The following NIPBL variants were observed in gnomAD, a reference collection of about 807,000 sequenced individuals.
NIPBL encodes nipped-B-like protein.
NIPBL carries 19 observed loss-of-function variants against 321.8 expected under a neutral mutation model. That is an observed-to-expected ratio of 0.06 (90% confidence interval 0.04 to 0.09). The LOEUF is 0.09. NIPBL is among the 10% of genes least tolerant of loss of function. NIPBL has a pLI of 1.00. For missense variants in NIPBL, 2,210 were observed against 3,327.0 expected, an observed-to-expected ratio of 0.66 and a Z score of 8.26; for synonymous variants, 1,106 against 1,114.1, an observed-to-expected ratio of 0.99 and a Z score of 0.14.
At position 36,962,215 on chromosome 5, in the gene NIPBL, C is replaced by A; in HGVS notation, c.551C>A (p.Ala184Glu). 6.2e-7 allele frequency: 1 copy of A among 1,614,080 alleles called. No homozygotes were observed. Among genetic ancestry groups the A allele is most frequent in the Non-Finnish European group, 8.5e-7 (1 of 1,179,964 alleles). The change falls in exon 6 of 47, where the codon GCA (alanine) becomes GAA (glutamate). Residue 184 changes from alanine to glutamate, a missense_variant. This residue lies in a region of NIPBL where 464 missense variants were observed against 529.5 expected (regional missense o/e 0.88). Transcript: ENST00000282516. ...VPSPYAPQSP[A>E]GYMPYSHPSS... is the part of the protein sequence containing the mutation. The stretch of plus-strand genomic sequence containing the variant: ...AGTCCATACGCCCCACAAAGCCCTG[C>A]AGGATACATGCCATATTCCCATCCT...
intron 12 of NIPBL, 114 bp from the exon 13 acceptor site, chr5:37,000,703 T>C (rs1746691628): frequency 2.4e-6 from 3 of 1,253,700 alleles, no homozygotes; most frequent in Non-Finnish European, 3.4e-6. Flanking sequence ...TTAGTTTCTA[T>C]GTGCAGTGAT....
At chr5:37,018,126 C>T (rs2149693566) in intron 24 of NIPBL, among the ~76,000 whole-genome samples, 1 of 152,080 alleles carries the variant, frequency 6.6e-6, no homozygotes, top group East Asian at 1.9e-4. Context: ...TTCTTAGGAC[C>T]CTCCCTGGAC....
intron 1 of NIPBL, among the ~76,000 whole-genome samples, chr5:36,904,011 G>A (rs1346310654): frequency 5.9e-5 from 9 of 152,144 alleles, no homozygotes; most frequent in Non-Finnish European, 1.5e-5. Flanking sequence ...TAGAGTGTAA[G>A]CCAGAATTAT....
intron 44 of NIPBL, among the ~76,000 whole-genome samples, chr5:37,060,400 G>A (rs1754544537): frequency 6.6e-6 from 1 of 152,290 alleles, no homozygotes; most frequent in African/African-American, 2.4e-5. Flanking sequence ...CTGGCCTCAA[G>A]TGATCCTCCC....
At chr5:37,012,492 G>C (rs1290014331) in intron 21 of NIPBL, among the ~76,000 whole-genome samples, 1 of 127,892 alleles carries the variant, frequency 7.8e-6, no homozygotes, top group Non-Finnish European at 1.6e-5. Flanking sequence ...ATTCATTCTT[G>C]GGTGTTTCTC....
intron 1 of NIPBL, among the ~76,000 whole-genome samples, chr5:36,913,819 G>A (rs778400990): frequency 6.6e-6 from 1 of 152,168 alleles, no homozygotes; most frequent in Non-Finnish European, 1.5e-5. Context: ...GGTTTATCCT[G>A]TGGTTCTTCT....
At chr5:36,896,061 A>G (rs1746708716) in intron 1 of NIPBL, among the ~76,000 whole-genome samples, 1 of 149,444 alleles carries the variant, frequency 6.7e-6, no homozygotes, top group Admixed American at 6.8e-5. Flanking sequence ...GTTTAGTTTT[A>G]GCACTTACAT....
Position 37,006,516 on chromosome 5 carries a change from T to A in NIPBL, c.4015T>A (p.Tyr1339Asn). Residue 1339 changes from tyrosine to asparagine, a missense_variant, in exon 17 of 47, where the codon TAC becomes AAC. Transcript: ENST00000282516. Reference sequence around the variant, plus strand: ...GGATGTAATTGAAAGAGTTATACAGTACACTAAATTTCATTTGCAGAATAC... The same window carrying A: ...GGATGTAATTGAAAGAGTTATACAGAACACTAAATTTCATTTGCAGAATAC... ...IEDVIERVIQ[Y>N]TKFHLQNTLY... The A allele has an allele frequency of 6.2e-7, 1 of 1,612,004 alleles. No individual in the cohort carries two copies. The highest frequency in any genetic ancestry group is 8.5e-7 in the Non-Finnish European group (1 of 1,178,452).
At chr5:37,038,817 C>A in intron 34 of NIPBL, 79 bp downstream of exon 34, 1 of 1,379,794 alleles carries the variant, frequency 7.2e-7, no homozygotes. Context: ...ATGCGTCAAC[C>A]ACATTCTCAC....
At chr5:36,923,175 G>T (rs1242478635) in intron 1 of NIPBL, among the ~76,000 whole-genome samples, 1 of 151,776 alleles carries the variant, frequency 6.6e-6, no homozygotes, top group African/African-American at 2.4e-5. Context: ...GTGTGGTGGC[G>T]TGCACCTGTA....
intron 6 of NIPBL, among the ~76,000 whole-genome samples, chr5:36,967,250 A>G: frequency 6.6e-6 from 1 of 152,126 alleles, no homozygotes; most frequent in East Asian, 1.9e-4. Context: ...ATGAAATAAA[A>G]TTTTATATCA....
chr5:36,952,434 A>C (rs1410273988), intron 1 of NIPBL, among the ~76,000 whole-genome samples: 2 of 152,200 alleles, frequency 1.3e-5, no homozygotes, highest in African/African-American at 2.4e-5. Flanking sequence ...TTAATTTATA[A>C]AGTAAAAGTC....
chr5:36,976,458 G>C, intron 9 of NIPBL, 56 bp downstream of exon 9: 1 of 1,579,034 alleles, frequency 6.3e-7, no homozygotes, highest in Non-Finnish European at 8.6e-7. Context: ...TAATTATAGT[G>C]TCAAAAATTT....
At chr5:36,959,224 T>A (rs1046854546) in intron 4 of NIPBL, among the ~76,000 whole-genome samples, 1 of 152,060 alleles carries the variant, frequency 6.6e-6, no homozygotes, top group Non-Finnish European at 1.5e-5. Flanking sequence ...AAAGAAAAAA[T>A]AAATAAAATA....
At chr5:36,945,342 A>G (rs1739549509) in intron 1 of NIPBL, among the ~76,000 whole-genome samples, 1 of 152,298 alleles carries the variant, frequency 6.6e-6, no homozygotes, top group African/African-American at 2.4e-5. Context: ...GTGAAGTTTT[A>G]TTAAAGTCAG....
chr5:36,951,352 G>A (rs1740268433), intron 1 of NIPBL, among the ~76,000 whole-genome samples: 1 of 151,894 alleles, frequency 6.6e-6, no homozygotes, highest in Non-Finnish European at 1.5e-5. Flanking sequence ...CTCTCTTTAG[G>A]TTCCTATTCT....
At chr5:37,062,329 T>A (rs1754806528) in intron 45 of NIPBL, among the ~76,000 whole-genome samples, 1 of 152,192 alleles carries the variant, frequency 6.6e-6, no homozygotes, top group Non-Finnish European at 1.5e-5. Flanking sequence ...TTCCTTTCTT[T>A]TCTGATAACC....
chr5:37,004,461 G>A (rs1346243264), intron 16 of NIPBL, among the ~76,000 whole-genome samples: 1 of 151,196 alleles, frequency 6.6e-6, no homozygotes, highest in East Asian at 1.9e-4. Flanking sequence ...CTGGAGTGCA[G>A]TGCTACAGTC....
At position 37,009,184 on chromosome 5, in the gene NIPBL, C is replaced by T. The variant is rs1580457817; in HGVS notation, c.4421+461C>T. On this transcript the variant is annotated intron_variant, in intron 20 of 46. Coordinates refer to ENST00000282516, the MANE Select transcript of NIPBL (RefSeq NM_133433.4). ...CTTGTTCATCCTGTTGGAAATATGG[C>T]TCAAAATAATCAGATCAGTTCAAAG... is the stretch of plus-strand genomic sequence containing the variant. Among the ~76,000 whole-genome samples, 4 of 151,880 alleles carry T rather than the reference C, an allele frequency of 2.6e-5. 1 individual carries two copies. Among genetic ancestry groups the T allele is most frequent in the Admixed American group, 2.0e-4 (3 of 15,258 alleles).
Sources: allele counts gnomAD v4.1 joint callset (sites outside exome capture counted in the v4.1 genomes callset), GRCh38; gene constraint gnomAD v4.1.1; regional missense constraint gnomAD v4.1.1; transcripts MANE v1.5; gene names NCBI Gene and HGNC (gene_info 2026-07-23, HGNC 2026-07-21).